KCNK13: variants seen among roughly 807,000 people sequenced by gnomAD.
The protein encoded by KCNK13 is potassium two pore domain channel subfamily K member 13.
A neutral mutation model predicts 23.4 loss-of-function variants in KCNK13; 12 were observed. The ratio of observed to expected loss-of-function variants is 0.51; its 90% CI spans 0.33 to 0.83. The LOEUF (loss-of-function observed/expected upper bound fraction) is 0.83. Among genes scored for constraint, KCNK13 ranks in the 40% least tolerant of loss-of-function variants. The pLI, the probability that KCNK13 is intolerant of heterozygous loss-of-function variation, is 0.02. For missense variants in KCNK13, 463 were observed against 556.3 expected (o/e 0.83, Z 1.69); for synonymous variants, 231 against 229.5 (o/e 1.01, Z -0.06).
chr14:90,145,943 C>T (rs1178891743), intron 1 of KCNK13, among the ~76,000 whole-genome samples: 2 of 151,528 alleles, frequency 1.3e-5, no homozygotes, highest in Non-Finnish European at 2.9e-5. Flanking sequence ...CTCAGAAGGC[C>T]AAGGCTGCAG....
At chr14:90,091,888 T>C (rs1301977303) in intron 1 of KCNK13, among the ~76,000 whole-genome samples, 3 of 151,942 alleles carry the variant, frequency 2.0e-5, no homozygotes, top group Admixed American at 2.0e-4. Flanking sequence ...AATGCTGTTA[T>C]TTAAGAATAA....
intron 1 of KCNK13, among the ~76,000 whole-genome samples, chr14:90,129,847 C>G (rs114969721): frequency 4.4e-4 from 67 of 151,990 alleles, no homozygotes; most frequent in African/African-American, 1.6e-3. Flanking sequence ...GAAGAATGGG[C>G]TCTAACAGGT....
At chr14:90,089,580 T>A (rs1889318790) in intron 1 of KCNK13, among the ~76,000 whole-genome samples, 1 of 152,222 alleles carries the variant, frequency 6.6e-6, no homozygotes, top group Admixed American at 6.5e-5. Context: ...TCAAGCTGGC[T>A]GCAGAAATTT....
chr14:90,096,266 A>G (rs1889409487), intron 1 of KCNK13, among the ~76,000 whole-genome samples: 1 of 151,976 alleles, frequency 6.6e-6, no homozygotes, highest in South Asian at 2.1e-4. Context: ...TTAAGTCCCA[A>G]CTCTCTAATC....
chr14:90,099,359 A>C (rs1946140322), intron 1 of KCNK13, among the ~76,000 whole-genome samples: 1 of 152,134 alleles, frequency 6.6e-6, no homozygotes, highest in Non-Finnish European at 1.5e-5. Flanking sequence ...CCTTTATTCA[A>C]GATACCCCTT....
chr14:90,160,613 C>T (rs898429976), intron 1 of KCNK13, among the ~76,000 whole-genome samples: 6 of 151,862 alleles, frequency 4.0e-5, no homozygotes, highest in East Asian at 1.9e-4. Flanking sequence ...GAGGCCAAGG[C>T]GGGTGGATCA....
chr14:90,078,044 A>G (rs537291822), intron 1 of KCNK13, among the ~76,000 whole-genome samples: 1 of 152,232 alleles, frequency 6.6e-6, no homozygotes, highest in Non-Finnish European at 1.5e-5. Flanking sequence ...GAGACACGCT[A>G]TACTATTTCT....
chr14:90,161,381 C>G (rs1015175090), intron 1 of KCNK13, among the ~76,000 whole-genome samples: 1 of 152,110 alleles, frequency 6.6e-6, no homozygotes, highest in Non-Finnish European at 1.5e-5. Flanking sequence ...GGTGATTGTA[C>G]ACATCATGCA....
intron 1 of KCNK13, among the ~76,000 whole-genome samples, chr14:90,110,170 G>A (rs1889597614): frequency 6.6e-6 from 1 of 152,158 alleles, no homozygotes; most frequent in Non-Finnish European, 1.5e-5. Context: ...ACCCAGAGGT[G>A]TGCTACTACA....
chr14:90,111,034 A>G (rs987942652), intron 1 of KCNK13, among the ~76,000 whole-genome samples: 1 of 151,622 alleles, frequency 6.6e-6, no homozygotes, highest in East Asian at 1.9e-4. Context: ...AAATCCCTGA[A>G]TCTCTGAGTC....
intron 1 of KCNK13, among the ~76,000 whole-genome samples, chr14:90,170,184 C>CA (rs199897479): frequency 3.2e-4 from 47 of 145,872 alleles, no homozygotes; most frequent in Middle Eastern, 3.4e-3. Context: ...GATTGTCAAT[C>CA]AAAAAAAAAA....
chr14:90,062,639 C>A lies in KCNK13; in HGVS notation c.334+100C>A. 1.1e-6 allele frequency: 1 copy of A among 936,060 alleles called. No individual in the cohort carries two copies. Among genetic ancestry groups the A allele is most frequent in the Non-Finnish European group, 1.5e-6 (1 of 650,842 alleles). The allele number at this position is 936,060 out of a possible 1,614,324, so 58.0% of individuals were successfully genotyped here. ...TCATCCTTTCATTCATCCATCTGGGCGCCCAGCCAGACTCCACTGACATGA... is the reference window on the plus strand; with the variant it reads ...TCATCCTTTCATTCATCCATCTGGGAGCCCAGCCAGACTCCACTGACATGA... On this transcript the variant is annotated intron_variant, in intron 1 of 1. Transcript: ENST00000282146. This position sits in a 1 kb window ranked among gnomAD's most constrained non-coding sequence, Gnocchi z 4.5.
intron 1 of KCNK13, among the ~76,000 whole-genome samples, chr14:90,101,900 T>G (rs1889485488): frequency 6.6e-6 from 1 of 151,802 alleles, no homozygotes; most frequent in South Asian, 2.1e-4. Context: ...TCTTTTTTTT[T>G]TAAACGGAGT....
chr14:90,116,829 T>A (rs1201304474), intron 1 of KCNK13, among the ~76,000 whole-genome samples: 1 of 152,162 alleles, frequency 6.6e-6, no homozygotes, highest in Non-Finnish European at 1.5e-5. Context: ...GATATTACCC[T>A]TATTTTTTTA....
At chr14:90,114,159 A>G (rs1242104625) in intron 1 of KCNK13, among the ~76,000 whole-genome samples, 2 of 152,072 alleles carry the variant, frequency 1.3e-5, no homozygotes, top group South Asian at 2.1e-4. Context: ...AGCTGTGCCA[A>G]TTTATTTCCA....
At chr14:90,064,836 T>A (rs1430657458) in intron 1 of KCNK13, among the ~76,000 whole-genome samples, 3 of 152,238 alleles carry the variant, frequency 2.0e-5, no homozygotes, top group African/African-American at 7.2e-5. Context: ...ATAACAGCAC[T>A]GGCTAACCTT....
Position 90,130,739 on chromosome 14 carries a change from G to A in KCNK13, c.335-53372G>A, listed in dbSNP as rs112175454. ...TGAGGCAGGAGAATCACTTGAACCC[G>A]GGAAACAGAGGTTGTGGTGAGCCGA... On this transcript the variant is annotated intron_variant, in intron 1 of 1. Coordinates refer to ENST00000282146, the MANE Select transcript of KCNK13 (RefSeq NM_022054.4). Among the ~76,000 whole-genome samples, 143 of 152,146 alleles carry A rather than the reference G, an allele frequency of 9.4e-4. 1 individual carries two copies. The highest frequency in any genetic ancestry group is 3.3e-3 in the African/African-American group (139 of 41,530).
chr14:90,173,811 G>A (rs1383682326), intron 1 of KCNK13, among the ~76,000 whole-genome samples: 1 of 152,222 alleles, frequency 6.6e-6, no homozygotes, highest in Non-Finnish European at 1.5e-5. Context: ...ATCATAGGTA[G>A]TGTATTAGTC....
chr14:90,145,475 T>C (rs1890061965), intron 1 of KCNK13, among the ~76,000 whole-genome samples: 1 of 152,164 alleles, frequency 6.6e-6, no homozygotes, highest in African/African-American at 2.4e-5. Flanking sequence ...TTTTTATACA[T>C]TGTTGGATTC....
Sources: allele counts gnomAD v4.1 joint callset (sites outside exome capture counted in the v4.1 genomes callset), GRCh38; gene constraint gnomAD v4.1.1; non-coding constraint Gnocchi (gnomAD v3.1); transcripts MANE v1.5; gene names NCBI Gene and HGNC (gene_info 2026-07-23, HGNC 2026-07-21).